The following CPSF2 variants were observed in gnomAD, a reference collection of about 807,000 sequenced individuals.
The protein encoded by CPSF2 is cleavage and polyadenylation specific factor 2, also known as cleavage and polyadenylation specificity factor subunit 2.
Under a neutral mutation model 84.2 loss-of-function variants are expected in CPSF2, and 51 were observed. That is an observed-to-expected ratio of 0.61 (90% CI 0.48 to 0.77). The LOEUF is 0.77. Ranked by LOEUF, CPSF2 falls within the 30% of genes least tolerant of loss-of-function variation. CPSF2 has a pLI of 0.00. For missense variants in CPSF2, 641 were observed against 929.4 expected, an observed-to-expected ratio of 0.69 and a Z score of 4.03; for synonymous variants, 286 against 311.9, an observed-to-expected ratio of 0.92 and a Z score of 0.87.
intron 7 of CPSF2, among the ~76,000 whole-genome samples, chr14:92,139,846 C>A (rs566661035): frequency 1.3e-4 from 20 of 149,798 alleles, no homozygotes; most frequent in Middle Eastern, 3.8e-3. Flanking sequence ...GCCTTATATT[C>A]TTTTTAAATA....
intron 3 of CPSF2, among the ~76,000 whole-genome samples, chr14:92,133,775 G>C (rs1220827401): frequency 6.6e-6 from 1 of 152,036 alleles, no homozygotes; most frequent in Non-Finnish European, 1.5e-5. Context: ...CTTCTTTTCT[G>C]TTTAAAATGT....
chr14:92,126,866 A>G lies in CPSF2; in HGVS notation c.-35+686A>G, dbSNP rs533781524. On this transcript the variant is annotated intron_variant, in intron 2 of 15. Coordinates refer to ENST00000298875, the MANE Select transcript of CPSF2 (RefSeq NM_017437.3). ...CTTACCAACAGTTATTTATTGAACA[A>G]CCACTATGTGCAGGGATGTGCTAAT... 3.3e-5 allele frequency among the ~76,000 whole-genome samples: 5 copies of G among 152,302 alleles called. No homozygotes were observed. The South Asian group carries it at 8.3e-4, about 25-fold the overall frequency.
intron 2 of CPSF2, among the ~76,000 whole-genome samples, chr14:92,126,637 C>G (rs2068848950): frequency 6.6e-6 from 1 of 151,742 alleles, no homozygotes; most frequent in Admixed American, 6.6e-5. Context: ...ATAGTGAAAC[C>G]CTGTCTCTAC....
At chr14:92,125,435 A>G (rs2068833314) in intron 1 of CPSF2, among the ~76,000 whole-genome samples, 1 of 152,202 alleles carries the variant, frequency 6.6e-6, no homozygotes, top group Non-Finnish European at 1.5e-5. Context: ...ACAAGATAGA[A>G]TCAGTAACGT....
chr14:92,160,086 C>G (rs2069351926), intron 14 of CPSF2, among the ~76,000 whole-genome samples: 1 of 152,138 alleles, frequency 6.6e-6, no homozygotes, highest in Non-Finnish European at 1.5e-5. Context: ...CCTCAGCCTC[C>G]CAAGTAGCTG....
chr14:92,164,430 A>G lies in CPSF2; in HGVS notation c.*2686A>G, dbSNP rs1008671555. The G allele has an allele frequency of 1.3e-5, 2 of 152,242 alleles. No homozygotes were observed. The highest frequency in any genetic ancestry group is 4.8e-5 in the African/African-American group (2 of 41,458). The allele number at this position is 152,242 out of a possible 1,614,324, so 9.4% of individuals were successfully genotyped here. On this transcript the variant is annotated 3_prime_UTR_variant, in exon 16 of 16. Transcript: ENST00000298875. ...AAATGAAGACTTTGTTTTAGCTTCA[A>G]TTACTTCAGAAAATATAAATTTTAA...
chr14:92,135,314 C>A, intron 5 of CPSF2, 53 bp from the exon 6 acceptor site: 6 of 1,474,506 alleles, frequency 4.1e-6, no homozygotes, highest in East Asian at 2.3e-5. Flanking sequence ...AAATAAATAA[C>A]CTTTCTTTAG....
chr14:92,158,033 A>G (rs2069314269), intron 13 of CPSF2, 149 bp downstream of exon 13: 1 of 617,036 alleles, frequency 1.6e-6, no homozygotes, highest in East Asian at 2.7e-5. Context: ...GCTTAGAACA[A>G]GGAAATACCA....
Position 92,162,216 on chromosome 14 carries a change from C to T in CPSF2, c.*472C>T, listed in dbSNP as rs1355507522. On this transcript the variant is annotated 3_prime_UTR_variant, in exon 16 of 16. Coordinates refer to ENST00000298875, the MANE Select transcript of CPSF2 (RefSeq NM_017437.3). ...GTTTTTCGAAACTTACTTTTAAAAG[C>T]ATACGTGCTATGACTCTCTCCAGTT... 2 of 152,462 alleles carry T rather than the reference C, an allele frequency of 1.3e-5. No homozygotes were observed. The highest frequency in any genetic ancestry group is 4.8e-5 in the African/African-American group (2 of 41,340). 9.4% of individuals were successfully genotyped at this position (152,462 alleles called of 1,614,324 possible).
chr14:92,159,193 G>A lies in CPSF2; in HGVS notation c.2032G>A (p.Ala678Thr), dbSNP rs1039814863. ...TTCTAGCGTTATAGCACAACAAAAG[G>A]CCATGAAAAGTCTGTTCGGAGATGA... The part of the protein sequence containing the change: ...SDSSVIAQQK[A>T]MKSLFGDDEK... Residue 678 changes from alanine to threonine, a missense_variant, in exon 14 of 16, where the codon GCC (alanine) becomes ACC (threonine). Physicochemically the swap from Ala to Thr is moderately conservative, Grantham distance 58. This residue lies in a region of CPSF2 where 430 missense variants were observed against 553.6 expected (regional missense o/e 0.78). Transcript: ENST00000298875. 6.8e-6 allele frequency: 11 copies of A among 1,613,856 alleles called. No individual in the cohort carries two copies. The highest frequency in any genetic ancestry group is 3.3e-5 in the Admixed American group (2 of 59,976).
At chr14:92,137,133 G>A (rs1170876012) in intron 6 of CPSF2, among the ~76,000 whole-genome samples, 1 of 151,942 alleles carries the variant, frequency 6.6e-6, no homozygotes, top group Non-Finnish European at 1.5e-5. Context: ...TTGCAAGATG[G>A]ACAAAAGTTA....
At chr14:92,128,455 C>G (rs1229763462) in intron 2 of CPSF2, among the ~76,000 whole-genome samples, 1 of 152,140 alleles carries the variant, frequency 6.6e-6, no homozygotes, top group African/African-American at 2.4e-5. Flanking sequence ...TGCACTCCAG[C>G]CTGGCAACAG....
intron 9 of CPSF2, among the ~76,000 whole-genome samples, chr14:92,149,416 C>T (rs1271259857): frequency 1.3e-5 from 2 of 151,808 alleles, no homozygotes; most frequent in East Asian, 1.9e-4. Flanking sequence ...TCTGCCTCTA[C>T]GAAGTATAAA....
intron 1 of CPSF2, among the ~76,000 whole-genome samples, chr14:92,123,862 A>G (rs532726707): frequency 3.9e-5 from 6 of 152,322 alleles, no homozygotes; most frequent in Admixed American, 3.3e-4. Flanking sequence ...GGTATTGGAT[A>G]TACAAAGATG....
chr14:92,128,653 A>C (rs969785260), intron 2 of CPSF2, among the ~76,000 whole-genome samples: 7 of 152,202 alleles, frequency 4.6e-5, no homozygotes, highest in Non-Finnish European at 8.8e-5. Flanking sequence ...CATGAATTGA[A>C]GGTGAGGACC....
intron 7 of CPSF2, among the ~76,000 whole-genome samples, chr14:92,139,352 G>A (rs1034024071): frequency 2.6e-5 from 4 of 151,624 alleles, no homozygotes; most frequent in African/African-American, 9.7e-5. Flanking sequence ...GGAAGGCGGA[G>A]CTTGCAGTGA....
intron 9 of CPSF2, among the ~76,000 whole-genome samples, chr14:92,145,655 C>G (rs10148302): frequency 0.3 from 45,575 of 151,972 alleles, 7,355 homozygotes; most frequent in East Asian, 0.45. Context: ...GAAACAATTT[C>G]ATCAGATAGG....
At position 92,161,214 on chromosome 14, in the gene CPSF2, C is replaced by T. The variant is rs865786070; in HGVS notation, c.2224C>T (p.Leu742Phe). 6.2e-7 allele frequency: 1 copy of T among 1,612,948 alleles called. No individual in the cohort carries two copies. ...TCAAGCTGAATTTGTAGGAGGTGTA[C>T]TTGTTTGCAACAATCAAGTAGCAGT... Reference protein sequence around the residue: ...GIQAEFVGGVLVCNNQVAVRR... With the variant: ...GIQAEFVGGVFVCNNQVAVRR... Residue 742 changes from leucine (L) to phenylalanine (F), a missense_variant, in exon 15 of 16, where the codon CTT (leucine) becomes TTT (phenylalanine). Physicochemically the swap from Leu to Phe is conservative, Grantham distance 22 (BLOSUM62 0). Around this residue, in one of 2 missense-constraint regions of CPSF2, gnomAD observed 430 missense variants for 553.6 expected, o/e 0.78. Transcript: ENST00000298875.
Position 92,169,674 on chromosome 14 carries a change from G to A in CPSF2, c.*7930G>A, listed in dbSNP as rs1314078096. 1.6e-5 allele frequency: 2 copies of A among 125,450 alleles called. No homozygotes were observed. The highest frequency in any genetic ancestry group is 3.2e-5 in the Non-Finnish European group (2 of 62,096). The allele number at this position is 125,450 out of a possible 1,614,324, so 7.8% of individuals were successfully genotyped here. ...ATTTTTTTTTTTTTTTTTTTTTTGA[G>A]ACAAACTTGCAGGGAGAGAATTATG... On this transcript the variant is annotated 3_prime_UTR_variant, in exon 16 of 16. Transcript: ENST00000298875.
Sources: gnomAD v4.1 joint callset for allele counts (sites outside exome capture counted in the v4.1 genomes callset) on GRCh38, gnomAD v4.1.1 for gene constraint, gnomAD v4.1.1 regional missense constraint, MANE v1.5 for transcripts, NCBI Gene and HGNC (gene_info 2026-07-23, HGNC 2026-07-21) for gene names.